The following TAF13 variants were observed in gnomAD, a reference collection of about 807,000 sequenced individuals.
The protein encoded by TAF13 is transcription initiation factor TFIID subunit 13.
TAF13 carries 9 observed loss-of-function variants against 18.7 expected under a neutral mutation model. The ratio of observed to expected loss-of-function variants is 0.48; its 90% CI spans 0.29 to 0.84. The LOEUF is 0.84. TAF13 is among the 40% of genes least tolerant of loss of function. The pLI is 0.08. For missense variants in TAF13, 105 were observed against 146.5 expected (o/e 0.72, Z 1.46); for synonymous variants, 49 against 44.1 (o/e 1.11, Z -0.44).
intron 2 of TAF13, among the ~76,000 whole-genome samples, chr1:109,071,265 AC>A (rs1231256765): frequency 2.0e-5 from 3 of 151,900 alleles, no homozygotes; most frequent in Non-Finnish European, 4.4e-5. Context: ...ACATGGTGAA[AC>A]CCGTTTCTAC....
chr1:109,069,437 C>T (rs1571297434), intron 2 of TAF13, among the ~76,000 whole-genome samples: 1 of 152,078 alleles, frequency 6.6e-6, no homozygotes. Context: ...TTATACTATA[C>T]TGTTTAGGGA....
At chr1:109,066,955 G>T (rs531898717) in intron 2 of TAF13, among the ~76,000 whole-genome samples, 4 of 152,156 alleles carry the variant, frequency 2.6e-5, no homozygotes, top group African/African-American at 9.6e-5. Flanking sequence ...ATCTGACCTG[G>T]TGATCTGCGT....
In TAF13 at chr1:109,067,008, C is replaced by T. The variant is rs534169636; in HGVS notation, c.107-776G>A. On this transcript the variant is annotated intron_variant, in intron 2 of 3. Coordinates refer to ENST00000338366, the MANE Select transcript of TAF13 (RefSeq NM_005645.4). The stretch of plus-strand genomic sequence containing the variant: ...TGCTGGGATTACAGGCGTGAGCCAC[C>T]GCGCCCAGCCCCAAATCTGTTCTTA... Among the ~76,000 whole-genome samples the T allele has an allele frequency of 3.9e-5, 6 of 152,156 alleles. No homozygotes were observed. In the South Asian group the frequency reaches 8.3e-4, roughly 21 times the overall value.
intron 2 of TAF13, among the ~76,000 whole-genome samples, chr1:109,070,134 T>A (rs913603444): frequency 1.3e-5 from 2 of 152,212 alleles, no homozygotes; most frequent in Non-Finnish European, 2.9e-5. Flanking sequence ...CAGGTTCCCA[T>A]ACTATTTAGT....
intron 2 of TAF13, among the ~76,000 whole-genome samples, chr1:109,069,189 TTACAA>T (rs1664007103): frequency 6.7e-6 from 1 of 148,982 alleles, no homozygotes; most frequent in African/African-American, 2.5e-5. Flanking sequence ...TTAGTAGTGA[TTACAA>T]GTGTGTGAGT....
At chr1:109,074,840 C>G in intron 2 of TAF13, 147 bp downstream of exon 2, 4 of 634,960 alleles carry the variant, frequency 6.3e-6, no homozygotes, top group Non-Finnish European at 1.1e-5. Flanking sequence ...TTGGTACTAT[C>G]TGATTCAAAA....
intron 2 of TAF13, among the ~76,000 whole-genome samples, chr1:109,070,167 C>G (rs558197066): frequency 2.0e-5 from 3 of 152,258 alleles, no homozygotes; most frequent in Admixed American, 2.0e-4. Context: ...TTAGTTCCCT[C>G]GAATCCGATA....
chr1:109,075,932 C>G lies in TAF13; in HGVS notation c.16G>C (p.Glu6Gln), dbSNP rs1189580743. The change falls in exon 1 of 4, where the codon GAA becomes CAA. Residue 6 changes from glutamate to glutamine, a missense_variant. Transcript: ENST00000338366. ...AGACGGTCACTCACCGTGGGGTCTTCTTCCTCATCTGCCATCCCACTAGCA... is the reference window on the plus strand; with the variant it reads ...AGACGGTCACTCACCGTGGGGTCTTGTTCCTCATCTGCCATCCCACTAGCA... The part of the protein sequence containing the change: MADEE[E>Q]DPTFEEENEE... 1 of 1,614,220 alleles carries G rather than the reference C, an allele frequency of 6.2e-7. No individual in the cohort carries two copies. Among genetic ancestry groups the G allele is most frequent in the South Asian group, 1.1e-5 (1 of 91,086 alleles).
rs562859034 is a variant in TAF13 at position 109,073,857 on chromosome 1, C to T, written c.106+1130G>A. 4.3e-4 allele frequency among the ~76,000 whole-genome samples: 65 copies of T among 152,158 alleles called. No homozygotes were observed. In the East Asian group the frequency reaches 0.01, roughly 24 times the overall value. ...TGGGATGTGGGGAAGCACCTCTGCCCGGCCGCCCCGTCTGGGATGTGAGGA... is the reference window on the plus strand; with the variant it reads ...TGGGATGTGGGGAAGCACCTCTGCCTGGCCGCCCCGTCTGGGATGTGAGGA... On this transcript the variant is annotated intron_variant, in intron 2 of 3. Coordinates refer to ENST00000338366, the MANE Select transcript of TAF13 (RefSeq NM_005645.4).
At chr1:109,075,196 C>G in intron 1 of TAF13, 131 bp from the exon 2 acceptor site, 1 of 738,062 alleles carries the variant, frequency 1.4e-6, no homozygotes, top group Non-Finnish European at 2.2e-6. Flanking sequence ...AAAAAAACCA[C>G]GAAACCTTAG....
intron 2 of TAF13, among the ~76,000 whole-genome samples, chr1:109,071,959 T>A (rs111970897): frequency 0.25 from 1,414 of 5,650 alleles, 36 homozygotes; most frequent in Middle Eastern, 0.42. Flanking sequence ...AAAAAGAAAA[T>A]ATATATATAT....
chr1:109,070,534 T>C (rs1664030347), intron 2 of TAF13, among the ~76,000 whole-genome samples: 2 of 151,902 alleles, frequency 1.3e-5, no homozygotes, highest in African/African-American at 4.8e-5. Flanking sequence ...AGTGGAATTA[T>C]AGGCATGCAC....
chr1:109,065,779 G>C (rs1663941803), intron 3 of TAF13, among the ~76,000 whole-genome samples: 1 of 151,994 alleles, frequency 6.6e-6, no homozygotes, highest in Non-Finnish European at 1.5e-5. Context: ...AAAATTAGCT[G>C]GGTGTGGTGA....
chr1:109,074,098 C>T (rs755353870), intron 2 of TAF13, among the ~76,000 whole-genome samples: 19 of 152,224 alleles, frequency 1.2e-4, no homozygotes, highest in African/African-American at 3.6e-4. Context: ...TCATTGAGAA[C>T]GGGCCATGAT....
chr1:109,065,556 A>C (rs1368351485), intron 3 of TAF13, among the ~76,000 whole-genome samples: 2 of 152,040 alleles, frequency 1.3e-5, no homozygotes, highest in African/African-American at 4.8e-5. Context: ...GAAAAAAAAA[A>C]ACCTATGTTG....
At chr1:109,074,122 T>C (rs948676830) in intron 2 of TAF13, among the ~76,000 whole-genome samples, 1 of 152,204 alleles carries the variant, frequency 6.6e-6, no homozygotes, top group Non-Finnish European at 1.5e-5. Context: ...GATGGCGGTT[T>C]TGTCGAATAG....
At chr1:109,072,009 TATATAC>T (rs1170190992) in intron 2 of TAF13, among the ~76,000 whole-genome samples, 2 of 2,548 alleles carry the variant, frequency 7.8e-4, no homozygotes, top group African/African-American at 1.1e-3. Flanking sequence ...TATATATATA[TATATAC>T]ACACACATAT....
Position 109,064,175 on chromosome 1 carries a change from A to AAAAAAAAAC in TAF13, c.*347_*348insGTTTTTTTT, listed in dbSNP as rs1192204544. 1 of 151,990 alleles carries AAAAAAAAAC rather than the reference A, an allele frequency of 6.6e-6. No individual in the cohort carries two copies. Among genetic ancestry groups the AAAAAAAAAC allele is most frequent in the African/African-American group, 2.5e-5 (1 of 39,622 alleles). The allele number at this position is 151,990 out of a possible 1,614,324, so 9.4% of individuals were successfully genotyped here. A position where few individuals can be genotyped will look rare whatever the true frequency, so the allele number is the denominator to read the frequency against. ...CCATCTCAAAAAAAAAAAAAAAAAA[A>AAAAAAAAAC]AAAAAAGCTACAGTATAGCTTACAA... On this transcript the variant is annotated 3_prime_UTR_variant, in exon 4 of 4. Coordinates refer to ENST00000338366, the MANE Select transcript of TAF13 (RefSeq NM_005645.4).
chr1:109,074,116 G>T (rs1664136125), intron 2 of TAF13, among the ~76,000 whole-genome samples: 2 of 152,228 alleles, frequency 1.3e-5, no homozygotes, highest in Non-Finnish European at 2.9e-5. Context: ...GATGACGATG[G>T]CGGTTTTGTC....
Sources: allele counts gnomAD v4.1 joint callset (sites outside exome capture counted in the v4.1 genomes callset), GRCh38; gene constraint gnomAD v4.1.1; transcripts MANE v1.5; gene names NCBI Gene and HGNC (gene_info 2026-07-23, HGNC 2026-07-21).